Variants in GALNT2 observed in about 807,000 individuals in gnomAD.
GALNT2 encodes UDP-GalNAc:polypeptide N-acetylgalactosaminyltransferase 2.
In GALNT2, 31 loss-of-function variants were observed where a neutral mutation model predicts 81.4. The observed-to-expected ratio is 0.38, with a 90% CI of 0.29 to 0.51. The LOEUF (loss-of-function observed/expected upper bound fraction) is 0.51, where lower values mean the gene tolerates loss of function less well. Among genes scored for constraint, GALNT2 ranks in the 20% least tolerant of loss-of-function variants. The probability of loss-of-function intolerance (pLI) is 0.87; values close to 1 mark genes in which losing one functional copy is unlikely to be tolerated. For synonymous variants in GALNT2, 303 were observed against 287.4 expected (o/e 1.05, Z -0.55); for missense variants, 629 against 765.7 (o/e 0.82, Z 2.11).
intron 3 of GALNT2, among the ~76,000 whole-genome samples, chr1:230,210,216 T>C (rs1349315406): frequency 6.6e-6 from 1 of 152,222 alleles, no homozygotes; most frequent in Non-Finnish European, 1.5e-5. Flanking sequence ...TGAAATCTCT[T>C]TCTCTCTACT....
At chr1:230,105,273 A>G (rs1660509283) in intron 1 of GALNT2, among the ~76,000 whole-genome samples, 1 of 152,228 alleles carries the variant, frequency 6.6e-6, no homozygotes, top group Non-Finnish European at 1.5e-5. Flanking sequence ...AAGAGCAGCC[A>G]AACTGAACAC....
chr1:230,182,094 AT>A (rs1663178347), intron 2 of GALNT2, among the ~76,000 whole-genome samples: 1 of 151,754 alleles, frequency 6.6e-6, no homozygotes, highest in Admixed American at 6.6e-5. Flanking sequence ...CCCCACTTTC[AT>A]TTCTGATATT....
In GALNT2 at chr1:230,074,899, C is replaced by G. The variant is rs1659487663; in HGVS notation, c.126+7493C>G. On this transcript the variant is annotated intron_variant, in intron 1 of 15. Transcript: ENST00000366672. ...AGGGTTGTCTGGTGGAAGAGATCTCCTCAGGGCCTCTGGAGGCAGTGGGGT... is the reference window on the plus strand; with the variant it reads ...AGGGTTGTCTGGTGGAAGAGATCTCGTCAGGGCCTCTGGAGGCAGTGGGGT... 2.0e-5 allele frequency among the ~76,000 whole-genome samples: 3 copies of G among 152,118 alleles called. No individual in the cohort carries two copies. The South Asian group carries it at 6.2e-4, about 31-fold the overall frequency.
At chr1:230,273,983 T>G (rs1225036974) in intron 14 of GALNT2, among the ~76,000 whole-genome samples, 5 of 152,212 alleles carry the variant, frequency 3.3e-5, no homozygotes. Context: ...TTACTACAGT[T>G]CACATTCATC....
intron 3 of GALNT2, among the ~76,000 whole-genome samples, chr1:230,227,832 TG>T (rs1664760149): frequency 6.6e-6 from 1 of 152,220 alleles, no homozygotes; most frequent in South Asian, 2.1e-4. Context: ...AAGGCAAGGT[TG>T]TTTTTTACCA....
intron 1 of GALNT2, among the ~76,000 whole-genome samples, chr1:230,104,979 G>A (rs930536995): frequency 4.6e-5 from 7 of 152,212 alleles, no homozygotes; most frequent in African/African-American, 1.7e-4. Context: ...CAGCAGAAAT[G>A]GAATGTAGGC....
chr1:230,149,070 G>A (rs28663131), intron 1 of GALNT2, among the ~76,000 whole-genome samples: 6,734 of 149,670 alleles, frequency 0.045, 607 homozygotes, highest in East Asian at 0.43. Flanking sequence ...TTGTAGAGAC[G>A]GCGTTTCTCC....
chr1:230,250,424 C>T, intron 9 of GALNT2, 33 bp from the exon 10 acceptor site: 1 of 1,563,702 alleles, frequency 6.4e-7, no homozygotes, highest in Non-Finnish European at 8.8e-7. Flanking sequence ...TTTGCCCTCT[C>T]CTCCCTCCCC....
At chr1:230,150,650 T>C (rs912609217) in intron 1 of GALNT2, among the ~76,000 whole-genome samples, 3 of 152,258 alleles carry the variant, frequency 2.0e-5, no homozygotes, top group African/African-American at 7.2e-5. Context: ...GCTCTACTTA[T>C]AATTCTGTCT....
At chr1:230,261,376 T>C (rs1175210015) in intron 11 of GALNT2, among the ~76,000 whole-genome samples, 6 of 152,216 alleles carry the variant, frequency 3.9e-5, no homozygotes, top group South Asian at 2.1e-4. Flanking sequence ...AGTTTCGCCA[T>C]TTTAAGGAAT....
chr1:230,060,228 C>T (rs1009981402), intron 1 of GALNT2, among the ~76,000 whole-genome samples: 2 of 152,222 alleles, frequency 1.3e-5, no homozygotes, highest in African/African-American at 4.8e-5. Context: ...TATTTATTCA[C>T]ATCCTTGGCC....
chr1:230,099,469 C>G (rs977138221), intron 1 of GALNT2, among the ~76,000 whole-genome samples: 2 of 152,150 alleles, frequency 1.3e-5, no homozygotes, highest in African/African-American at 2.4e-5. Flanking sequence ...CCACCAAGAC[C>G]ATACAGCACT....
intron 3 of GALNT2, among the ~76,000 whole-genome samples, chr1:230,229,326 G>A (rs1664805735): frequency 6.6e-6 from 1 of 152,216 alleles, no homozygotes; most frequent in African/African-American, 2.4e-5. Flanking sequence ...CAGCTCCTAA[G>A]CATATAAGAT....
At chr1:230,160,419 A>G (rs1472817132) in intron 1 of GALNT2, among the ~76,000 whole-genome samples, 2 of 152,084 alleles carry the variant, frequency 1.3e-5, no homozygotes, top group Non-Finnish European at 2.9e-5. Context: ...GTATACAATG[A>G]TCTCTGCATC....
chr1:230,198,228 C>T (rs1237864218), intron 2 of GALNT2, among the ~76,000 whole-genome samples: 5 of 152,146 alleles, frequency 3.3e-5, no homozygotes, highest in South Asian at 2.1e-4. Flanking sequence ...TGAGGTGCTG[C>T]GGGCGAGGCT....
rs567924246 is a variant in GALNT2 at position 230,281,178 on chromosome 1, T to G, written c.*1720T>G. The G allele has an allele frequency of 6.6e-6, 1 of 152,436 alleles. No individual in the cohort carries two copies. The highest frequency in any genetic ancestry group is 1.9e-4 in the East Asian group (1 of 5,174). The allele number at this position is 152,436 out of a possible 1,614,324, so 9.4% of individuals were successfully genotyped here. The stretch of plus-strand genomic sequence containing the variant: ...GTGTCTTGTATGAAAGGGGCCACTG[T>G]GTGTCTTCCTCCCCGGCGGGAGCCC... On this transcript the variant is annotated 3_prime_UTR_variant, in exon 16 of 16. Transcript: ENST00000366672.
chr1:230,173,205 C>T (rs948213110), intron 1 of GALNT2, among the ~76,000 whole-genome samples: 3 of 152,192 alleles, frequency 2.0e-5, no homozygotes, highest in Admixed American at 6.5e-5. Flanking sequence ...AAGACCACAG[C>T]GCTGTACTTT....
intron 3 of GALNT2, among the ~76,000 whole-genome samples, chr1:230,226,530 G>A (rs993259077): frequency 2.0e-5 from 3 of 152,240 alleles, no homozygotes; most frequent in African/African-American, 7.2e-5. Flanking sequence ...GCTGATGGGT[G>A]CACATGGAGA....
chr1:230,176,184 C>T (rs138290289), intron 1 of GALNT2, among the ~76,000 whole-genome samples: 78 of 152,018 alleles, frequency 5.1e-4, no homozygotes, highest in Non-Finnish European at 8.8e-4. Flanking sequence ...GCTCACCCTG[C>T]ACTAGTTTTA....
Sources: gnomAD v4.1 joint callset for allele counts (sites outside exome capture counted in the v4.1 genomes callset) on GRCh38, gnomAD v4.1.1 for gene constraint, MANE v1.5 for transcripts, NCBI Gene and HGNC (gene_info 2026-07-23, HGNC 2026-07-21) for gene names.